The following AUTS2 variants were observed in gnomAD, a reference collection of about 807,000 sequenced individuals.
AUTS2 encodes the protein autism susceptibility gene 2 protein.
In AUTS2, 17 loss-of-function variants were observed where a neutral mutation model predicts 112.4. That is an observed-to-expected ratio of 0.15 (90% CI 0.10 to 0.23). The LOEUF (loss-of-function observed/expected upper bound fraction) is 0.23, where lower values mean the gene tolerates loss of function less well. Among genes scored for constraint, AUTS2 ranks in the 10% least tolerant of loss-of-function variants. The pLI, the probability that AUTS2 is intolerant of heterozygous loss-of-function variation, is 1.00. For synonymous variants in AUTS2, 751 were observed against 702.7 expected (o/e 1.07, Z -1.09); for missense variants, 1,510 against 1,701.6 (o/e 0.89, Z 1.98).
chr7:69,679,107 T>C (rs936725103), intron 1 of AUTS2, among the ~76,000 whole-genome samples: 3 of 152,234 alleles, frequency 2.0e-5, no homozygotes, highest in Admixed American at 6.5e-5. Flanking sequence ...GGTGTTGGAT[T>C]TTTTAAACTT....
rs766950370 is a variant in AUTS2 at position 70,790,645 on chromosome 7, C to T, written c.3429C>T (p.His1143=). The T allele has an allele frequency of 1.2e-6, 2 of 1,612,706 alleles. No individual in the cohort carries two copies. Among genetic ancestry groups the T allele is most frequent in the East Asian group, 2.2e-5 (1 of 44,770 alleles). The change falls in exon 19 of 19, where the codon CAC becomes CAT. Residue 1143 remains histidine, a synonymous_variant. Transcript: ENST00000342771. This position sits in a 1 kb window ranked among gnomAD's most constrained non-coding sequence, Gnocchi z 7.6. ...HPLSVDPRRE[H]ERGGHLDERE... is the part of the protein sequence containing the mutation. Reference sequence around the variant, plus strand: ...TGTCTGTGGACCCTCGGCGGGAGCACGAGCGGGGAGGCCACCTGGACGAGC... The same window carrying T: ...TGTCTGTGGACCCTCGGCGGGAGCATGAGCGGGGAGGCCACCTGGACGAGC...
At chr7:70,747,668 G>A (rs1788541056) in intron 6 of AUTS2, among the ~76,000 whole-genome samples, 1 of 149,956 alleles carries the variant, frequency 6.7e-6, no homozygotes, top group Non-Finnish European at 1.5e-5. Flanking sequence ...TTGTTTTGTA[G>A]TAGAGATGGG....
intron 5 of AUTS2, among the ~76,000 whole-genome samples, chr7:70,589,112 T>TCA (rs1184080049): frequency 1.3e-5 from 2 of 152,232 alleles, no homozygotes; most frequent in African/African-American, 4.8e-5. Flanking sequence ...AAGCGGCCAG[T>TCA]CACACAGTGG....
At chr7:70,126,214 T>C (rs2129574162) in intron 3 of AUTS2, among the ~76,000 whole-genome samples, 1 of 151,900 alleles carries the variant, frequency 6.6e-6, no homozygotes, top group Admixed American at 6.6e-5. Context: ...AGGTCAGGAG[T>C]TGGAGATCAG....
chr7:70,448,384 A>G (rs899612094), intron 5 of AUTS2, among the ~76,000 whole-genome samples: 1 of 152,192 alleles, frequency 6.6e-6, no homozygotes, highest in African/African-American at 2.4e-5. Context: ...ATAGATAAGC[A>G]TGGCTTTTCT....
At chr7:69,861,132 G>A (rs1792961947) in intron 1 of AUTS2, among the ~76,000 whole-genome samples, 1 of 152,044 alleles carries the variant, frequency 6.6e-6, no homozygotes, top group Non-Finnish European at 1.5e-5. Flanking sequence ...TACTAAAAAA[G>A]CAGGATTCAA....
At chr7:70,214,930 G>A (rs946928639) in intron 4 of AUTS2, among the ~76,000 whole-genome samples, 1 of 152,074 alleles carries the variant, frequency 6.6e-6, no homozygotes, top group Non-Finnish European at 1.5e-5. Flanking sequence ...ATCTTTAACC[G>A]TAGATGATAT....
At chr7:70,618,657 C>T (rs1197010197) in intron 5 of AUTS2, among the ~76,000 whole-genome samples, 1 of 152,170 alleles carries the variant, frequency 6.6e-6, no homozygotes, top group African/African-American at 2.4e-5. Flanking sequence ...GACCCCCTCA[C>T]CCCACACACA....
intron 1 of AUTS2, among the ~76,000 whole-genome samples, chr7:69,807,889 G>A (rs1386536668): frequency 3.3e-5 from 5 of 151,450 alleles, no homozygotes; most frequent in African/African-American, 1.2e-4. Flanking sequence ...TTAGTCAGAA[G>A]CAGGTCATTA....
intron 6 of AUTS2, among the ~76,000 whole-genome samples, chr7:70,751,529 C>G (rs535026274): frequency 2.0e-5 from 3 of 152,144 alleles, no homozygotes; most frequent in Non-Finnish European, 4.4e-5. Context: ...CATTGTCTTC[C>G]CGCCTAAGGA....
chr7:69,722,924 C>G (rs1799039343), intron 1 of AUTS2, among the ~76,000 whole-genome samples: 1 of 151,810 alleles, frequency 6.6e-6, no homozygotes, highest in Admixed American at 6.6e-5. Flanking sequence ...AAAACATGAT[C>G]ATTTCCAGGA....
At chr7:70,261,752 T>C (rs191805301) in intron 4 of AUTS2, among the ~76,000 whole-genome samples, 2 of 152,342 alleles carry the variant, frequency 1.3e-5, no homozygotes, top group East Asian at 3.9e-4. Flanking sequence ...TCTTTACTGT[T>C]ATTTGAAGGA....
intron 4 of AUTS2, among the ~76,000 whole-genome samples, chr7:70,256,069 G>C (rs1371892147): frequency 6.6e-6 from 1 of 152,140 alleles, no homozygotes; most frequent in Non-Finnish European, 1.5e-5. Flanking sequence ...TGAATGTGTA[G>C]GACGCTAATG....
intron 5 of AUTS2, among the ~76,000 whole-genome samples, chr7:70,590,478 T>C (rs1802892557): frequency 6.6e-6 from 1 of 152,096 alleles, no homozygotes; most frequent in Non-Finnish European, 1.5e-5. Flanking sequence ...ACTCTTTGGA[T>C]ATAGGGTAGT....
rs745358887 is a variant in AUTS2, at chr7:70,430,828, C to CTTTTTT, written c.661-4904_661-4899dup. Among the ~76,000 whole-genome samples the CTTTTTT allele has an allele frequency of 1.3e-3, 123 of 94,504 alleles. 4 individuals carry two copies. The highest frequency in any genetic ancestry group is 3.0e-3 in the African/African-American group (68 of 22,718). 62.0% of individuals were successfully genotyped at this position (94,504 alleles called of 152,430 possible). A position where few individuals can be genotyped will look rare whatever the true frequency, so the allele number is the denominator to read the frequency against. Reference sequence around the variant, plus strand: ...TCCACATAGCAGATTGCAGTGTCGCCTTTTTTTTTTTTTTTTTTTTTTTTT... The same window carrying CTTTTTT: ...TCCACATAGCAGATTGCAGTGTCGCCTTTTTTTTTTTTTTTTTTTTTTTTTTTTTTT... On this transcript the variant is annotated intron_variant, in intron 4 of 18. Coordinates refer to ENST00000342771, the MANE Select transcript of AUTS2 (RefSeq NM_015570.4).
chr7:69,950,264 G>A (rs747123423), intron 2 of AUTS2, among the ~76,000 whole-genome samples: 2 of 151,978 alleles, frequency 1.3e-5, no homozygotes, highest in Non-Finnish European at 2.9e-5. Flanking sequence ...TGTATTCCAA[G>A]GCTCAGAAAA....
At chr7:70,098,541 C>T (rs1393830265) in intron 2 of AUTS2, among the ~76,000 whole-genome samples, 1 of 151,702 alleles carries the variant, frequency 6.6e-6, no homozygotes, top group South Asian at 2.1e-4. Flanking sequence ...TGTGGGGTAC[C>T]GGTGGTTGAC....
chr7:70,223,180 C>G (rs1391071066), intron 4 of AUTS2, among the ~76,000 whole-genome samples: 2 of 152,030 alleles, frequency 1.3e-5, no homozygotes, highest in African/African-American at 2.4e-5. Flanking sequence ...AGCCACTGCG[C>G]CTGGCTGAAA....
At chr7:69,903,088 G>T (rs1253245823) in intron 2 of AUTS2, among the ~76,000 whole-genome samples, 1 of 152,054 alleles carries the variant, frequency 6.6e-6, no homozygotes, top group African/African-American at 2.4e-5. Flanking sequence ...TATAAAAAAA[G>T]TTTTATCATT....
Sources: allele counts gnomAD v4.1 joint callset (sites outside exome capture counted in the v4.1 genomes callset), GRCh38; gene constraint gnomAD v4.1.1; non-coding constraint Gnocchi (gnomAD v3.1); transcripts MANE v1.5; gene names NCBI Gene and HGNC (gene_info 2026-07-23, HGNC 2026-07-21).